Variants in SNRK observed in about 807,000 individuals in gnomAD.
The protein encoded by SNRK is SNF related kinase.
SNRK carries 3 observed loss-of-function variants against 48.2 expected under a neutral mutation model. The ratio of observed to expected loss-of-function variants is 0.06; its 90% CI spans 0.03 to 0.16. The LOEUF (loss-of-function observed/expected upper bound fraction) is 0.16, where lower values mean the gene tolerates loss of function less well. SNRK is among the 10% of genes least tolerant of loss of function. The probability of loss-of-function intolerance (pLI) is 1.00; values close to 1 mark genes in which losing one functional copy is unlikely to be tolerated. For missense variants in SNRK, 627 were observed against 976.0 expected (o/e 0.64, Z 4.76); for synonymous variants, 376 against 366.1 (o/e 1.03, Z -0.31).
At chr3:43,304,827 A>G (rs2090924867) in intron 3 of SNRK, among the ~76,000 whole-genome samples, 1 of 152,150 alleles carries the variant, frequency 6.6e-6, no homozygotes, top group South Asian at 2.1e-4. Flanking sequence ...ACTGATTTTC[A>G]TGTTATGACT....
chr3:43,295,049 C>T (rs1028741052), intron 1 of SNRK, among the ~76,000 whole-genome samples: 1 of 152,166 alleles, frequency 6.6e-6, no homozygotes, highest in African/African-American at 2.4e-5. Flanking sequence ...GTCCTACTTA[C>T]ACGTAGGCAG....
Position 43,329,295 on chromosome 3 carries a change from G to A in SNRK, c.590-2874G>A, listed in dbSNP as rs953353934. Among the ~76,000 whole-genome samples, 65 of 152,080 alleles carry A rather than the reference G, an allele frequency of 4.3e-4. 1 individual carries two copies. Among genetic ancestry groups the A allele is most frequent in the Non-Finnish European group, 2.1e-4 (14 of 68,012 alleles). The stretch of plus-strand genomic sequence containing the variant: ...CAACTAAAAATAGAAAAAATTAGCC[G>A]GGTGTGGTGGCGGGTGCCTGTAGTA... On this transcript the variant is annotated intron_variant, in intron 3 of 6. Transcript: ENST00000296088.
At chr3:43,316,452 C>T (rs2091013926) in intron 3 of SNRK, among the ~76,000 whole-genome samples, 1 of 152,038 alleles carries the variant, frequency 6.6e-6, no homozygotes, top group African/African-American at 2.4e-5. Context: ...TTATAATATG[C>T]ATCCAGCCTT....
chr3:43,316,496 A>G (rs1231627665), intron 3 of SNRK, among the ~76,000 whole-genome samples: 3 of 152,182 alleles, frequency 2.0e-5, no homozygotes, highest in Non-Finnish European at 2.9e-5. Context: ...AGAATCAAAT[A>G]TTTTTAGACA....
Position 43,303,788 on chromosome 3 carries a change from A to T in SNRK, c.585A>T (p.Ala195=). The part of the protein sequence containing the change: ...ILLGDEYDAP[A]VDIWSLGVIL... ...TTGGTGATGAGTATGATGCACCTGC[A>T]GTAGGTAGGTAACCTCGGTCCAGTA... Residue 195 remains alanine, a synonymous_variant, in exon 3 of 7, where the codon GCA becomes GCT. Coordinates refer to ENST00000296088, the MANE Select transcript of SNRK (RefSeq NM_017719.5). The surrounding 1 kb of genome is among the most constrained non-coding windows in gnomAD (Gnocchi z 6.2). The T allele has an allele frequency of 2.5e-6, 4 of 1,606,546 alleles. No individual in the cohort carries two copies. Among genetic ancestry groups the T allele is most frequent in the Non-Finnish European group, 3.4e-6 (4 of 1,173,986 alleles).
chr3:43,327,026 C>T (rs1032899349), intron 3 of SNRK, among the ~76,000 whole-genome samples: 1 of 152,174 alleles, frequency 6.6e-6, no homozygotes, highest in Non-Finnish European at 1.5e-5. Flanking sequence ...CTGCTTCTTT[C>T]GTATGCTGTT....
chr3:43,328,523 A>G (rs1290146217), intron 3 of SNRK, among the ~76,000 whole-genome samples: 2 of 152,064 alleles, frequency 1.3e-5, no homozygotes, highest in Non-Finnish European at 1.5e-5. Flanking sequence ...GGCATGCACC[A>G]CTGTGCCTGG....
chr3:43,340,433 A>G lies in SNRK; in HGVS notation c.878A>G (p.Glu293Gly). The change falls in exon 5 of 7, where the codon GAG becomes GGG. Residue 293 changes from glutamate to glycine, a missense_variant. By Grantham distance (98) the Glu-to-Gly change is moderately conservative. Transcript: ENST00000296088. ...GTGTCATACAAAAATCTCTCGGAAG[A>G]GGAGCACAACAGCATCATTCAGCGC... The part of the protein sequence containing the change: ...PLVSYKNLSE[E>G]EHNSIIQRMV... 1.2e-6 allele frequency: 2 copies of G among 1,614,188 alleles called. No individual in the cohort carries two copies. The highest frequency in any genetic ancestry group is 1.7e-6 in the Non-Finnish European group (2 of 1,180,024).
rs914961846 is a variant in SNRK, at chr3:43,329,692, G to A, written c.590-2477G>A. On this transcript the variant is annotated intron_variant, in intron 3 of 6. Transcript: ENST00000296088. Reference sequence around the variant, plus strand: ...AGCCCTAACTGAAAACTGTGGGACTGTATATTTATGTTGCTTTTCTTCTTT... The same window carrying A: ...AGCCCTAACTGAAAACTGTGGGACTATATATTTATGTTGCTTTTCTTCTTT... Among the ~76,000 whole-genome samples the A allele has an allele frequency of 3.1e-4, 47 of 152,112 alleles. 1 individual carries two copies. Among genetic ancestry groups the A allele is most frequent in the Non-Finnish European group, 1.6e-4 (11 of 68,028 alleles).
Position 43,303,808 on chromosome 3 carries a change from C to A in SNRK, c.589+16C>A. 6.4e-7 allele frequency: 1 copy of A among 1,559,164 alleles called. No homozygotes were observed. Among genetic ancestry groups the A allele is most frequent in the South Asian group, 1.1e-5 (1 of 88,208 alleles). On this transcript the variant is annotated intron_variant, in intron 3 of 6. Coordinates refer to ENST00000296088, the MANE Select transcript of SNRK (RefSeq NM_017719.5). The surrounding 1 kb of genome is among the most constrained non-coding windows in gnomAD (Gnocchi z 6.2). ...CCTGCAGTAGGTAGGTAACCTCGGTCCAGTATTTGGCCATTTGAATTCTGC... is the reference window on the plus strand; with the variant it reads ...CCTGCAGTAGGTAGGTAACCTCGGTACAGTATTTGGCCATTTGAATTCTGC...
In SNRK at chr3:43,348,829, A is replaced by G; in HGVS notation, c.*272A>G. ...GGATTAAATCAAGATATATATCTGG[A>G]ACCTCTTATAAATGGAGCACTTAGA... On this transcript the variant is annotated 3_prime_UTR_variant, in exon 7 of 7. Coordinates refer to ENST00000296088, the MANE Select transcript of SNRK (RefSeq NM_017719.5). The G allele has an allele frequency of 3.2e-6, 1 of 311,568 alleles. No homozygotes were observed. The allele number at this position is 311,568 out of a possible 1,614,324, so 19.3% of individuals were successfully genotyped here.
intron 3 of SNRK, among the ~76,000 whole-genome samples, chr3:43,324,170 A>G (rs938418071): frequency 1.3e-5 from 2 of 152,250 alleles, no homozygotes; most frequent in African/African-American, 4.8e-5. Context: ...AGGATTATCT[A>G]TGGTGTTGGT....
At chr3:43,323,771 A>T (rs2091073239) in intron 3 of SNRK, among the ~76,000 whole-genome samples, 2 of 124,654 alleles carry the variant, frequency 1.6e-5, no homozygotes, top group Middle Eastern at 7.5e-3. Context: ...TGATGTGTAC[A>T]ACAACATGAG....
At chr3:43,341,863 T>C (rs1460493103) in intron 5 of SNRK, among the ~76,000 whole-genome samples, 1 of 152,180 alleles carries the variant, frequency 6.6e-6, no homozygotes, top group Non-Finnish European at 1.5e-5. Context: ...GAAAGAAAGG[T>C]TTATAAAAAT....
intron 1 of SNRK, 87 bp downstream of exon 1, chr3:43,286,762 G>A (rs2090767024): frequency 6.8e-6 from 1 of 148,056 alleles, no homozygotes; most frequent in Non-Finnish European, 1.5e-5. Flanking sequence ...AGCCTCCGCT[G>A]TTGCCGGGCT....
intron 3 of SNRK, among the ~76,000 whole-genome samples, chr3:43,320,258 G>C (rs1252469910): frequency 6.6e-6 from 1 of 152,174 alleles, no homozygotes; most frequent in African/African-American, 2.4e-5. Flanking sequence ...TCAAGTCATT[G>C]GGTACAGTAT....
At position 43,347,238 on chromosome 3, in the gene SNRK, A is replaced by T; in HGVS notation, c.1080-101A>T. On this transcript the variant is annotated intron_variant, in intron 6 of 6. Coordinates refer to ENST00000296088, the MANE Select transcript of SNRK (RefSeq NM_017719.5). This position sits in a 1 kb window ranked among gnomAD's most constrained non-coding sequence, Gnocchi z 5.4. ...TGCAAGGCTGCTGCTTTTTTCTTTA[A>T]GTCTGTAGATTTTGTCCCAGTAAGT... is the stretch of plus-strand genomic sequence containing the variant. The T allele has an allele frequency of 7.9e-7, 1 of 1,270,302 alleles. No individual in the cohort carries two copies. The highest frequency in any genetic ancestry group is 1.1e-6 in the Non-Finnish European group (1 of 940,398). The allele number at this position is 1,270,302 out of a possible 1,614,324, so 78.7% of individuals were successfully genotyped here. A position where few individuals can be genotyped will look rare whatever the true frequency, so the allele number is the denominator to read the frequency against.
chr3:43,306,798 A>C (rs1429107661), intron 3 of SNRK, among the ~76,000 whole-genome samples: 1 of 152,160 alleles, frequency 6.6e-6, no homozygotes, highest in Non-Finnish European at 1.5e-5. Context: ...TTAACTGAAA[A>C]GTTATTTAGA....
intron 1 of SNRK, among the ~76,000 whole-genome samples, chr3:43,290,725 C>T (rs1336444021): frequency 1.3e-5 from 2 of 152,232 alleles, no homozygotes; most frequent in East Asian, 1.9e-4. Context: ...GATTGCCATT[C>T]TCCTGCTCAG....
Sources: allele counts gnomAD v4.1 joint callset (sites outside exome capture counted in the v4.1 genomes callset), GRCh38; gene constraint gnomAD v4.1.1; non-coding constraint Gnocchi (gnomAD v3.1); transcripts MANE v1.5; gene names NCBI Gene and HGNC (gene_info 2026-07-23, HGNC 2026-07-21).